The following ZNF354C variants were observed in gnomAD, a reference collection of about 807,000 sequenced individuals.
ZNF354C encodes the protein zinc finger protein 354C, also known as KRAB-zinc finger protein synten.
In ZNF354C, 7 loss-of-function variants were observed where a neutral mutation model predicts 12.4. That is an observed-to-expected ratio of 0.56 (90% CI 0.32 to 1.06). ZNF354C has a LOEUF of 1.06. ZNF354C is among the 50% of genes least tolerant of loss of function. The pLI is 0.04. For missense variants in ZNF354C, 609 were observed against 658.0 expected (o/e 0.93, Z 0.81); for synonymous variants, 202 against 224.5 (o/e 0.90, Z 0.90).
In ZNF354C at chr5:179,082,858, C is replaced by G. The variant is rs1325370563; in HGVS notation, c.*2761C>G. On this transcript the variant is annotated 3_prime_UTR_variant, in exon 5 of 5. Coordinates refer to ENST00000315475, the MANE Select transcript of ZNF354C (RefSeq NM_014594.3). ...GCAACAGCCTTGGGGCCCTCACAGACTCGCCAAACATTCCAGGCACTGCAC... is the reference window on the plus strand; with the variant it reads ...GCAACAGCCTTGGGGCCCTCACAGAGTCGCCAAACATTCCAGGCACTGCAC... The G allele has an allele frequency of 5.8e-6, 7 of 1,198,404 alleles. No homozygotes were observed. In the African/African-American group the frequency reaches 7.5e-5, roughly 13 times the overall value. The allele number at this position is 1,198,404 out of a possible 1,614,324, so 74.2% of individuals were successfully genotyped here. A position where few individuals can be genotyped will look rare whatever the true frequency, so the allele number is the denominator to read the frequency against.
In ZNF354C at chr5:179,079,832, C is replaced by G. The variant is rs369251328; in HGVS notation, c.1400C>G (p.Pro467Arg). The G allele has an allele frequency of 6.2e-7, 1 of 1,614,030 alleles. No homozygotes were observed. Among genetic ancestry groups the G allele is most frequent in the African/African-American group, 1.3e-5 (1 of 75,004 alleles). ...CAGAGAATTCATACTGGAGAGAAACCGTATCAGTGTAATCAGTGTGGAAAG... is the reference window on the plus strand; with the variant it reads ...CAGAGAATTCATACTGGAGAGAAACGGTATCAGTGTAATCAGTGTGGAAAG... Reference protein sequence around the residue: ...RHQRIHTGEKPYQCNQCGKAF... With the variant: ...RHQRIHTGEKRYQCNQCGKAF... Residue 467 changes from proline to arginine, a missense_variant, in exon 5 of 5, where the codon CCG becomes CGG. Coordinates refer to ENST00000315475, the MANE Select transcript of ZNF354C (RefSeq NM_014594.3). This position sits in a 1 kb window ranked among gnomAD's most constrained non-coding sequence, Gnocchi z 4.2.
intron 2 of ZNF354C, among the ~76,000 whole-genome samples, chr5:179,068,669 G>A (rs144522125): frequency 5.9e-5 from 9 of 151,614 alleles, no homozygotes; most frequent in Non-Finnish European, 1.2e-4. Flanking sequence ...CTAGGGGAAC[G>A]GGATTGGTGG....
At chr5:179,076,157 C>T (rs1762117983) in intron 2 of ZNF354C, among the ~76,000 whole-genome samples, 1 of 152,230 alleles carries the variant, frequency 6.6e-6, no homozygotes, top group Non-Finnish European at 1.5e-5. Flanking sequence ...ATCACATCGC[C>T]TTCTCTTGAG....
intron 2 of ZNF354C, among the ~76,000 whole-genome samples, chr5:179,067,428 T>C (rs188844167): frequency 3.3e-4 from 51 of 152,294 alleles, no homozygotes; most frequent in African/African-American, 1.2e-3. Context: ...TGAATTCCAC[T>C]GGACAGCTTC....
At chr5:179,064,297 A>C (rs563007890) in intron 2 of ZNF354C, among the ~76,000 whole-genome samples, 12 of 152,144 alleles carry the variant, frequency 7.9e-5, no homozygotes, top group Admixed American at 2.0e-4. Context: ...GCTGGAGTAC[A>C]GTGGTGCGAT....
At chr5:179,078,007 ATGTTCT>A (rs1561751534) in intron 4 of ZNF354C, among the ~76,000 whole-genome samples, 24 of 151,910 alleles carry the variant, frequency 1.6e-4, no homozygotes, top group Middle Eastern at 3.4e-3. Flanking sequence ...GGGTTTCACC[ATGTTCT>A]CCAGGCTGGT....
intron 3 of ZNF354C, 72 bp downstream of exon 3, chr5:179,076,643 C>T: frequency 6.3e-7 from 1 of 1,575,864 alleles, no homozygotes; most frequent in African/African-American, 1.3e-5. Context: ...GGGTTCCGAG[C>T]CTGTGGTCTT....
At chr5:179,065,488 C>T (rs529055873) in intron 2 of ZNF354C, among the ~76,000 whole-genome samples, 2 of 152,212 alleles carry the variant, frequency 1.3e-5, no homozygotes, top group South Asian at 2.1e-4. Flanking sequence ...GCGATCTTGG[C>T]TCACTGCAAC....
At chr5:179,076,605 A>G (rs888421360) in intron 3 of ZNF354C, 34 bp downstream of exon 3, 1 of 1,610,738 alleles carries the variant, frequency 6.2e-7, no homozygotes, top group Non-Finnish European at 8.5e-7. Context: ...AGAATCTGTT[A>G]TAGGAACGCC....
At position 179,080,004 on chromosome 5, in the gene ZNF354C, T is replaced by TAAG; in HGVS notation, c.1573_1575dup (p.Lys525dup). On this transcript the variant is annotated inframe_insertion, in exon 5 of 5. Coordinates refer to ENST00000315475, the MANE Select transcript of ZNF354C (RefSeq NM_014594.3). The stretch of plus-strand genomic sequence containing the variant: ...AAGTTCACACGAAAGAGAAACTCTA[T>TAAG]AAGTGGAAGGAATATGGGAAACCTT... 1 of 1,613,928 alleles carries TAAG rather than the reference T, an allele frequency of 6.2e-7. No homozygotes were observed. The highest frequency in any genetic ancestry group is 8.5e-7 in the Non-Finnish European group (1 of 1,179,922).
chr5:179,075,042 T>G (rs1018764389), intron 2 of ZNF354C, among the ~76,000 whole-genome samples: 3 of 151,064 alleles, frequency 2.0e-5, no homozygotes, highest in Non-Finnish European at 3.0e-5. Context: ...AGGTGGATCA[T>G]GAGGTCAAGA....
chr5:179,074,751 T>C (rs1255170315), intron 2 of ZNF354C, among the ~76,000 whole-genome samples: 2 of 152,216 alleles, frequency 1.3e-5, no homozygotes, highest in Non-Finnish European at 1.5e-5. Context: ...CAGTGAAGTT[T>C]GGTAAGTGCT....
At chr5:179,075,127 T>C (rs992315646) in intron 2 of ZNF354C, among the ~76,000 whole-genome samples, 7 of 151,874 alleles carry the variant, frequency 4.6e-5, no homozygotes, top group Admixed American at 2.0e-4. Flanking sequence ...GGTGTGGTGG[T>C]GGGCGCCTGT....
chr5:179,070,584 C>T (rs1280138397), intron 2 of ZNF354C, among the ~76,000 whole-genome samples: 1 of 152,118 alleles, frequency 6.6e-6, no homozygotes. Context: ...ATCAGTTTCC[C>T]TGGAGCTACC....
chr5:179,066,281 T>A (rs747120875), intron 2 of ZNF354C, among the ~76,000 whole-genome samples: 1 of 152,366 alleles, frequency 6.6e-6, no homozygotes, highest in East Asian at 1.9e-4. Context: ...AGGTGTCTTA[T>A]AACAGAGTAT....
chr5:179,066,279 TATAAC>T (rs1326770288), intron 2 of ZNF354C, among the ~76,000 whole-genome samples: 5 of 152,384 alleles, frequency 3.3e-5, no homozygotes, highest in East Asian at 1.9e-4. Flanking sequence ...GGAGGTGTCT[TATAAC>T]AGAGTATTCC....
At chr5:179,069,561 C>CAAAA (rs761235131) in intron 2 of ZNF354C, among the ~76,000 whole-genome samples, 16 of 77,610 alleles carry the variant, frequency 2.1e-4, no homozygotes, top group South Asian at 4.6e-4. Context: ...GACTCCATCT[C>CAAAA]AAAAAAAAAA....
In ZNF354C at chr5:179,082,473, T is replaced by A. The variant is rs1020188166; in HGVS notation, c.*2376T>A. The stretch of plus-strand genomic sequence containing the variant: ...GGTATAGGACAACTGGACTTTTTTT[T>A]ATATATTTATTTTAAAATGGTTTTC... On this transcript the variant is annotated 3_prime_UTR_variant, in exon 5 of 5. Coordinates refer to ENST00000315475, the MANE Select transcript of ZNF354C (RefSeq NM_014594.3). 25 of 544,294 alleles carry A rather than the reference T, an allele frequency of 4.6e-5. No homozygotes were observed. Among genetic ancestry groups the A allele is most frequent in the South Asian group, 1.9e-4 (8 of 41,544 alleles). 33.7% of individuals were successfully genotyped at this position (544,294 alleles called of 1,614,324 possible).
chr5:179,062,218 C>T, intron 2 of ZNF354C, 123 bp downstream of exon 2: 3 of 1,301,672 alleles, frequency 2.3e-6, no homozygotes, highest in Non-Finnish European at 1.1e-6. Flanking sequence ...AATCCGGAAC[C>T]TCAAAAGTTT....
Sources: allele counts gnomAD v4.1 joint callset (sites outside exome capture counted in the v4.1 genomes callset), GRCh38; gene constraint gnomAD v4.1.1; non-coding constraint Gnocchi (gnomAD v3.1); transcripts MANE v1.5; gene names NCBI Gene and HGNC (gene_info 2026-07-23, HGNC 2026-07-21).